Variants in TMEM131L observed in about 807,000 individuals in gnomAD.
The protein encoded by TMEM131L is transmembrane protein 131-like.
A neutral mutation model predicts 192.2 loss-of-function variants in TMEM131L; 54 were observed. The observed-to-expected ratio is 0.28, with a 90% CI of 0.23 to 0.35. TMEM131L has a LOEUF of 0.35. TMEM131L is among the 10% of genes least tolerant of loss of function. The pLI is 1.00. For synonymous variants in TMEM131L, 701 were observed against 704.9 expected, an observed-to-expected ratio of 0.99 and a Z score of 0.09; for missense variants, 1,888 against 1,972.9, an observed-to-expected ratio of 0.96 and a Z score of 0.82.
intron 3 of TMEM131L, among the ~76,000 whole-genome samples, chr4:153,476,565 T>C (rs1225284518): frequency 3.3e-5 from 5 of 151,750 alleles, no homozygotes; most frequent in Non-Finnish European, 5.9e-5. Context: ...GGTGTGGTGG[T>C]GGGCGCCTGT....
chr4:153,588,742 TAATA>T (rs1174440375), intron 15 of TMEM131L, 144 bp from the exon 16 acceptor site: 1 of 557,930 alleles, frequency 1.8e-6, no homozygotes, highest in Non-Finnish European at 3.2e-6. Flanking sequence ...GAGGGACTTT[TAATA>T]AATAAGCAGC....
At chr4:153,606,479 G>C (rs1328386200) in intron 25 of TMEM131L, among the ~76,000 whole-genome samples, 1 of 152,180 alleles carries the variant, frequency 6.6e-6, no homozygotes, top group Non-Finnish European at 1.5e-5. Flanking sequence ...GAGAAATGTA[G>C]TGTCAGAGTA....
Position 153,602,834 on chromosome 4 carries a change from G to A in TMEM131L, c.2639+107G>A, listed in dbSNP as rs146818866. 43 of 971,390 alleles carry A rather than the reference G, an allele frequency of 4.4e-5. No individual in the cohort carries two copies. The Admixed American group carries it at 8.8e-4, about 20-fold the overall frequency. The allele number at this position is 971,390 out of a possible 1,614,324, so 60.2% of individuals were successfully genotyped here. On this transcript the variant is annotated intron_variant, in intron 23 of 34. Transcript: ENST00000409959. ...AGTGTAGTCAAAGTATATGAATTGA[G>A]TGGAATTGTTACTGCTTCAAGAACT...
At chr4:153,546,893 C>T (rs747072140) in intron 3 of TMEM131L, among the ~76,000 whole-genome samples, 1 of 152,224 alleles carries the variant, frequency 6.6e-6, no homozygotes, top group Non-Finnish European at 1.5e-5. Context: ...TGCTATTGCG[C>T]TCCAACGTGG....
intron 1 of TMEM131L, 40 bp downstream of exon 1, chr4:153,466,561 C>A (rs750579928): frequency 7.8e-7 from 1 of 1,279,796 alleles, no homozygotes; most frequent in Non-Finnish European, 9.9e-7. Context: ...CCTCTCCACC[C>A]CGCCCCCGCT....
intron 2 of TMEM131L, among the ~76,000 whole-genome samples, chr4:153,470,852 T>C (rs768009861): frequency 1.3e-5 from 2 of 152,240 alleles, no homozygotes; most frequent in African/African-American, 2.4e-5. Flanking sequence ...GTCCAACACG[T>C]ATCTGTTGAA....
intron 32 of TMEM131L, chr4:153,633,364 G>C (rs1248039471): frequency 6.6e-6 from 1 of 151,248 alleles, no homozygotes; most frequent in African/African-American, 2.4e-5. Flanking sequence ...CTACAGGTGT[G>C]TGCCACCATG....
chr4:153,479,979 G>A (rs1731805608), intron 3 of TMEM131L, among the ~76,000 whole-genome samples: 1 of 152,234 alleles, frequency 6.6e-6, no homozygotes, highest in Admixed American at 6.5e-5. Flanking sequence ...GGGAGGCCAA[G>A]GCGGGCGGAT....
intron 7 of TMEM131L, among the ~76,000 whole-genome samples, chr4:153,565,981 A>G (rs1729159609): frequency 6.6e-6 from 1 of 152,242 alleles, no homozygotes; most frequent in Admixed American, 6.5e-5. Flanking sequence ...TGGGCAAAAC[A>G]GAATATTTGA....
In TMEM131L at chr4:153,555,835, T is replaced by C; in HGVS notation, c.357T>C (p.Ser119=). 2 of 1,551,752 alleles carry C rather than the reference T, an allele frequency of 1.3e-6. No homozygotes were observed. The highest frequency in any genetic ancestry group is 8.7e-7 in the Non-Finnish European group (1 of 1,146,924). ...AGATTCTCCATGCTTACAACCCTAG[T>C]AGGGACAGCGAGGTTGTGGTGAATT... ...VAKILHAYNP[S]RDSEVVVNSV... is the part of the protein sequence containing the mutation. The change falls in exon 5 of 35, where the codon AGT becomes AGC. Residue 119 remains serine (S), a synonymous_variant. Transcript: ENST00000409959. This position sits in a 1 kb window ranked among gnomAD's most constrained non-coding sequence, Gnocchi z 4.1.
chr4:153,626,230 GTTTT>G lies in TMEM131L; in HGVS notation c.4124+8_4124+11del, dbSNP rs774202515. 4 of 1,585,176 alleles carry G rather than the reference GTTTT, an allele frequency of 2.5e-6. No individual in the cohort carries two copies. Among genetic ancestry groups the G allele is most frequent in the African/African-American group, 2.7e-5 (2 of 74,268 alleles). On this transcript the variant is annotated splice_donor_region_variant and intron_variant, in intron 30 of 34. Transcript: ENST00000409959. ...TCATAACATCTGCAATCCCATGTAA[GTTTT>G]TTATTTTCCAGCTTTTACAGTATGT... is the stretch of plus-strand genomic sequence containing the variant.
chr4:153,477,832 G>A (rs1320278070), intron 3 of TMEM131L, among the ~76,000 whole-genome samples: 4 of 152,054 alleles, frequency 2.6e-5, no homozygotes, highest in African/African-American at 7.3e-5. Context: ...TGTTGTTCAC[G>A]TAGCATATAA....
chr4:153,523,370 C>T (rs1735250326), intron 3 of TMEM131L, among the ~76,000 whole-genome samples: 1 of 152,104 alleles, frequency 6.6e-6, no homozygotes, highest in African/African-American at 2.4e-5. Flanking sequence ...AGGCAGTTTG[C>T]CTTAAGCTAG....
intron 3 of TMEM131L, among the ~76,000 whole-genome samples, chr4:153,544,842 G>T (rs6535924): frequency 6.6e-6 from 1 of 151,988 alleles, no homozygotes; most frequent in African/African-American, 2.4e-5. Flanking sequence ...CCTGAGGGGA[G>T]CATCTTCCTG....
At chr4:153,533,768 A>T (rs964257670) in intron 3 of TMEM131L, among the ~76,000 whole-genome samples, 1 of 152,096 alleles carries the variant, frequency 6.6e-6, no homozygotes, top group African/African-American at 2.4e-5. Flanking sequence ...TTTCCTTAGT[A>T]GGATCCTATG....
In TMEM131L at chr4:153,581,268, TAAAATAAAAC is replaced by T. The variant is rs529194443; in HGVS notation, c.739-137_739-128del. On this transcript the variant is annotated intron_variant, in intron 8 of 34. Transcript: ENST00000409959. ...GACTCCGTCTCAAAATAAAATAAAATAAAATAAAACACAAAACAGCATATTCTGTTCTCAC... is the reference window on the plus strand; with the variant it reads ...GACTCCGTCTCAAAATAAAATAAAATACAAAACAGCATATTCTGTTCTCAC... 8.4e-4 allele frequency: 550 copies of T among 656,196 alleles called. 1 individual carries two copies. In the African/African-American group the frequency reaches 9.5e-3, roughly 11 times the overall value. 40.6% of individuals were successfully genotyped at this position (656,196 alleles called of 1,614,324 possible). A position where few individuals can be genotyped will look rare whatever the true frequency, so the allele number is the denominator to read the frequency against.
At position 153,502,450 on chromosome 4, in the gene TMEM131L, C is replaced by T. The variant is rs539983937; in HGVS notation, c.239+28562C>T. On this transcript the variant is annotated intron_variant, in intron 3 of 34. Transcript: ENST00000409959. The stretch of plus-strand genomic sequence containing the variant: ...CCTTATTAGTATACTCAATCCTAGG[C>T]TTCTGTAAGGTATCATTTATTCTGA... Among the ~76,000 whole-genome samples the T allele has an allele frequency of 1.3e-3, 203 of 152,282 alleles. 1 individual carries two copies. The highest frequency in any genetic ancestry group is 4.6e-3 in the African/African-American group (190 of 41,548).
chr4:153,516,412 T>C (rs980135879), intron 3 of TMEM131L, among the ~76,000 whole-genome samples: 2 of 152,104 alleles, frequency 1.3e-5, no homozygotes, highest in African/African-American at 4.8e-5. Context: ...ATATATTTTT[T>C]AGAGACAGGG....
chr4:153,562,321 C>G (rs994896902), intron 7 of TMEM131L, among the ~76,000 whole-genome samples: 4 of 152,180 alleles, frequency 2.6e-5, no homozygotes, highest in African/African-American at 9.7e-5. Flanking sequence ...CAGGCATGAG[C>G]CACCGCACCC....
Sources: gnomAD v4.1 joint callset for allele counts (sites outside exome capture counted in the v4.1 genomes callset) on GRCh38, gnomAD v4.1.1 for gene constraint, Gnocchi (gnomAD v3.1) non-coding constraint, MANE v1.5 for transcripts, NCBI Gene and HGNC (gene_info 2026-07-23, HGNC 2026-07-21) for gene names.